The following GPC6 variants were observed in gnomAD, a reference collection of about 807,000 sequenced individuals.
GPC6 encodes the protein glypican 6.
A neutral mutation model predicts 55.2 loss-of-function variants in GPC6; 14 were observed. The observed-to-expected ratio is 0.25, with a 90% CI of 0.17 to 0.40. The LOEUF (loss-of-function observed/expected upper bound fraction) is 0.40, where lower values mean the gene tolerates loss of function less well. GPC6 is among the 10% of genes least tolerant of loss of function. The probability of loss-of-function intolerance (pLI) is 1.00; values close to 1 mark genes in which losing one functional copy is unlikely to be tolerated. For missense variants in GPC6, 641 were observed against 708.5 expected, an observed-to-expected ratio of 0.90 and a Z score of 1.08; for synonymous variants, 278 against 259.6, an observed-to-expected ratio of 1.07 and a Z score of -0.68.
At chr13:94,013,758 C>T (rs1053046000) in intron 3 of GPC6, among the ~76,000 whole-genome samples, 8 of 152,176 alleles carry the variant, frequency 5.3e-5, no homozygotes, top group African/African-American at 1.4e-4. Context: ...CAGACACAGA[C>T]CTTAAATAAT....
chr13:94,402,097 G>T (rs993259624), intron 8 of GPC6, among the ~76,000 whole-genome samples: 2 of 152,160 alleles, frequency 1.3e-5, no homozygotes, highest in African/African-American at 4.8e-5. Context: ...GGGACAAGCT[G>T]GCTGGGACAG....
intron 2 of GPC6, among the ~76,000 whole-genome samples, chr13:93,679,729 G>A (rs1414016991): frequency 2.6e-5 from 4 of 151,784 alleles, no homozygotes; most frequent in African/African-American, 7.3e-5. Context: ...AGCTTGTTAC[G>A]TGACCAAGAC....
chr13:93,745,933 C>G (rs1884381938), intron 2 of GPC6, among the ~76,000 whole-genome samples: 1 of 152,164 alleles, frequency 6.6e-6, no homozygotes, highest in East Asian at 1.9e-4. Flanking sequence ...TTTTGACCAT[C>G]ATGAAGGATA....
chr13:93,431,505 G>A (rs901839292), intron 1 of GPC6, among the ~76,000 whole-genome samples: 9 of 152,106 alleles, frequency 5.9e-5, no homozygotes, highest in Non-Finnish European at 8.8e-5. Flanking sequence ...CAGAGAGTGT[G>A]ATGAGTGAAA....
At chr13:94,073,645 A>G (rs944947090) in intron 4 of GPC6, among the ~76,000 whole-genome samples, 1 of 152,206 alleles carries the variant, frequency 6.6e-6, no homozygotes, top group Non-Finnish European at 1.5e-5. Flanking sequence ...TCTGCTGATG[A>G]GACCTGTTTC....
At chr13:93,881,800 C>G (rs1474462025) in intron 3 of GPC6, among the ~76,000 whole-genome samples, 1 of 152,076 alleles carries the variant, frequency 6.6e-6, no homozygotes, top group Non-Finnish European at 1.5e-5. Context: ...GCCTCAATGC[C>G]TTGCTTATTT....
At chr13:93,623,435 GTTTTC>G (rs1160238919) in intron 2 of GPC6, among the ~76,000 whole-genome samples, 93 of 89,544 alleles carry the variant, frequency 1.0e-3, no homozygotes, top group African/African-American at 2.9e-3. Flanking sequence ...GACAATGGTT[GTTTTC>G]TTTTCTTTTC....
intron 2 of GPC6, among the ~76,000 whole-genome samples, chr13:93,772,034 G>T (rs1472700900): frequency 6.6e-6 from 1 of 152,098 alleles, no homozygotes; most frequent in Non-Finnish European, 1.5e-5. Context: ...TTTGGAAGAA[G>T]AATTTCCATA....
At chr13:94,079,524 C>T (rs778741321) in intron 4 of GPC6, among the ~76,000 whole-genome samples, 2 of 152,048 alleles carry the variant, frequency 1.3e-5, no homozygotes, top group Admixed American at 1.3e-4. Flanking sequence ...TATTTGAGTT[C>T]GTTGAGGACA....
chr13:94,312,417 G>C (rs1161644852), intron 6 of GPC6, among the ~76,000 whole-genome samples: 6 of 152,152 alleles, frequency 3.9e-5, no homozygotes. Flanking sequence ...GTAAAATGCT[G>C]GTGATAAAAA....
intron 1 of GPC6, among the ~76,000 whole-genome samples, chr13:93,413,836 T>C (rs1876598535): frequency 6.6e-6 from 1 of 152,202 alleles, no homozygotes; most frequent in Admixed American, 6.5e-5. Flanking sequence ...GAATACACAC[T>C]CAGGAATAAT....
intron 6 of GPC6, 77 bp downstream of exon 6, chr13:94,306,200 C>A: frequency 6.5e-7 from 1 of 1,532,228 alleles, no homozygotes; most frequent in Non-Finnish European, 9.0e-7. Flanking sequence ...CCAGGAGATT[C>A]TGGAAAAGTT....
chr13:93,880,124 A>G (rs1874867130), intron 3 of GPC6, among the ~76,000 whole-genome samples: 1 of 151,912 alleles, frequency 6.6e-6, no homozygotes, highest in South Asian at 2.1e-4. Context: ...GTGGGACTGT[A>G]AACTAGTTCA....
intron 3 of GPC6, among the ~76,000 whole-genome samples, chr13:93,870,045 GTGTT>G (rs1889082576): frequency 6.6e-6 from 1 of 151,844 alleles, no homozygotes; most frequent in Non-Finnish European, 1.5e-5. Flanking sequence ...CAAGATAAAA[GTGTT>G]TGGAAGATTC....
intron 6 of GPC6, among the ~76,000 whole-genome samples, chr13:94,338,139 T>A (rs181698344): frequency 6.6e-6 from 1 of 152,370 alleles, no homozygotes; most frequent in African/African-American, 2.4e-5. Context: ...CACACTTAGA[T>A]GGTAAATTCT....
intron 4 of GPC6, among the ~76,000 whole-genome samples, chr13:94,102,383 T>A (rs374006449): frequency 6.6e-6 from 1 of 152,142 alleles, no homozygotes; most frequent in South Asian, 2.1e-4. Flanking sequence ...CCCTGTAACC[T>A]TATGTGGCTC....
At chr13:93,525,366 A>C (rs754773749) in intron 1 of GPC6, among the ~76,000 whole-genome samples, 123 of 152,226 alleles carry the variant, frequency 8.1e-4, no homozygotes, top group Non-Finnish European at 1.6e-3. Context: ...AAAATGTGCT[A>C]TCAAAACCCA....
At chr13:93,219,465 C>T in the GPC6 span, among the ~76,000 whole-genome samples, 1 of 152,088 alleles carries the variant, frequency 6.6e-6, no homozygotes, top group South Asian at 2.1e-4. Context: ...TGACTATAGC[C>T]AATGAATAGA....
At chr13:93,985,879 A>G (rs1009773276) in intron 3 of GPC6, among the ~76,000 whole-genome samples, 6 of 152,020 alleles carry the variant, frequency 3.9e-5, no homozygotes, top group Non-Finnish European at 8.8e-5. Context: ...GGCTTCTGTT[A>G]CCAAGAAAGA....
Sources: gnomAD v4.1 joint callset for allele counts (sites outside exome capture counted in the v4.1 genomes callset) on GRCh38, gnomAD v4.1.1 for gene constraint, MANE v1.5 for transcripts, NCBI Gene and HGNC (gene_info 2026-07-23, HGNC 2026-07-21) for gene names.